The following MTARC1 variants were observed in gnomAD, a reference collection of about 807,000 sequenced individuals.
MTARC1 encodes mitochondrial amidoxime-reducing component 1.
In MTARC1, 24 loss-of-function variants were observed where a neutral mutation model predicts 33.6. The ratio of observed to expected loss-of-function variants is 0.72; its 90% CI spans 0.52 to 1.01. The LOEUF (loss-of-function observed/expected upper bound fraction) is 1.01, where lower values mean the gene tolerates loss of function less well. Among genes scored for constraint, MTARC1 ranks in the 50% least tolerant of loss-of-function variants. The pLI is 0.00. For synonymous variants in MTARC1, 187 were observed against 189.5 expected, an observed-to-expected ratio of 0.99 and a Z score of 0.11; for missense variants, 417 against 445.7, an observed-to-expected ratio of 0.94 and a Z score of 0.58.
chr1:220,794,538 C>CTT (rs59339230), intron 2 of MTARC1, among the ~76,000 whole-genome samples: 23,371 of 145,912 alleles, frequency 0.16, 2,160 homozygotes, highest in Non-Finnish European at 0.22. Context: ...ACGATAGGAT[C>CTT]TTTTTTTTTT....
Position 220,786,914 on chromosome 1 carries a change from T to G in MTARC1, c.-31T>G. The G allele has an allele frequency of 4.1e-6, 5 of 1,228,094 alleles. No individual in the cohort carries two copies. Among genetic ancestry groups the G allele is most frequent in the Non-Finnish European group, 4.1e-6 (4 of 986,840 alleles). The allele number at this position is 1,228,094 out of a possible 1,614,324, so 76.1% of individuals were successfully genotyped here. A position where few individuals can be genotyped will look rare whatever the true frequency, so the allele number is the denominator to read the frequency against. On this transcript the variant is annotated 5_prime_UTR_variant, in exon 1 of 7. Coordinates refer to ENST00000366910, the MANE Select transcript of MTARC1 (RefSeq NM_022746.4). ...CCCGGGCGACCAGCGCGCTCCGGCCTTGCCGCCGCCACCTCGCGGAGAAGC... is the reference window on the plus strand; with the variant it reads ...CCCGGGCGACCAGCGCGCTCCGGCCGTGCCGCCGCCACCTCGCGGAGAAGC...
chr1:220,803,429 A>T (rs1188719223), intron 4 of MTARC1, among the ~76,000 whole-genome samples: 1 of 152,154 alleles, frequency 6.6e-6, no homozygotes, highest in East Asian at 1.9e-4. Flanking sequence ...TCCAAACTGC[A>T]AACTGGTGTC....
At position 220,805,237 on chromosome 1, in the gene MTARC1, G is replaced by A; in HGVS notation, c.850G>A (p.Val284Ile). Residue 284 changes from valine (V) to isoleucine (I), a missense_variant, in exon 6 of 7, where the codon GTC becomes ATC. Transcript: ENST00000366910. Reference sequence around the variant, plus strand: ...AACCACAGTGGACCCAGACACCGGTGTCATGAGCAGGAAGGAACCGCTGGA... The same window carrying A: ...AACCACAGTGGACCCAGACACCGGTATCATGAGCAGGAAGGAACCGCTGGA... ...ILTTVDPDTGVMSRKEPLETL... is the reference protein window; with the variant it reads ...ILTTVDPDTGIMSRKEPLETL... 5.0e-6 allele frequency: 8 copies of A among 1,613,722 alleles called. No homozygotes were observed. Among genetic ancestry groups the A allele is most frequent in the Non-Finnish European group, 6.8e-6 (8 of 1,180,028 alleles).
intron 1 of MTARC1, 125 bp from the exon 2 acceptor site, chr1:220,791,366 A>T: frequency 9.7e-7 from 1 of 1,032,460 alleles, no homozygotes. Context: ...CACACACTCA[A>T]ACTCACACAC....
chr1:220,815,710 T>G lies in MTARC1; in HGVS notation c.*2292T>G, dbSNP rs1673266304. On this transcript the variant is annotated 3_prime_UTR_variant, in exon 7 of 7. Transcript: ENST00000366910. ...CCCATTTATTTTGGATACTGAGCAT[T>G]TGCACACTATTCCACTTGAAATATA... 1 of 152,250 alleles carries G rather than the reference T, an allele frequency of 6.6e-6. No individual in the cohort carries two copies. The highest frequency in any genetic ancestry group is 1.5e-5 in the Non-Finnish European group (1 of 68,050). 9.4% of individuals were successfully genotyped at this position (152,250 alleles called of 1,614,324 possible).
At chr1:220,795,427 C>T (rs778531557) in intron 2 of MTARC1, among the ~76,000 whole-genome samples, 8 of 152,164 alleles carry the variant, frequency 5.3e-5, no homozygotes, top group Non-Finnish European at 1.2e-4. Context: ...CATAACACCA[C>T]GATGATAGTA....
Position 220,805,983 on chromosome 1 carries a change from A to G in MTARC1, c.887+709A>G, listed in dbSNP as rs536522558. Among the ~76,000 whole-genome samples, 126 of 152,334 alleles carry G rather than the reference A, an allele frequency of 8.3e-4. 1 individual carries two copies. The highest frequency in any genetic ancestry group is 2.8e-3 in the African/African-American group (118 of 41,574). The stretch of plus-strand genomic sequence containing the variant: ...ATTTTTATTTGATTTTACTTTTTAA[A>G]AAACATATAAATGCACATGAGTAGA... On this transcript the variant is annotated intron_variant, in intron 6 of 6. Coordinates refer to ENST00000366910, the MANE Select transcript of MTARC1 (RefSeq NM_022746.4).
At chr1:220,789,460 A>C (rs1255996575) in intron 1 of MTARC1, among the ~76,000 whole-genome samples, 2 of 88,540 alleles carry the variant, frequency 2.3e-5, no homozygotes, top group East Asian at 2.1e-4. Flanking sequence ...AAAACAAAAA[A>C]AATCTCATAA....
intron 4 of MTARC1, chr1:220,798,938 T>C (rs1326546089): frequency 1.0e-6 from 1 of 985,298 alleles, no homozygotes; most frequent in Non-Finnish European, 1.2e-6. Context: ...GAAAGAGAAA[T>C]AATCTAAGAA....
chr1:220,798,739 G>C (rs1672697067), intron 4 of MTARC1: 1 of 784,034 alleles, frequency 1.3e-6, no homozygotes. Flanking sequence ...AGGAATTCAG[G>C]AGCTCTGGTT....
rs955490297 is a variant in MTARC1 at position 220,786,968 on chromosome 1, G to A, written c.24G>A (p.Ala8=). The A allele has an allele frequency of 2.4e-6, 3 of 1,250,870 alleles. No homozygotes were observed. Among genetic ancestry groups the A allele is most frequent in the Admixed American group, 4.2e-5 (1 of 23,538 alleles). The allele number at this position is 1,250,870 out of a possible 1,614,324, so 77.5% of individuals were successfully genotyped here. A position where few individuals can be genotyped will look rare whatever the true frequency, so the allele number is the denominator to read the frequency against. Residue 8 remains alanine (A), a synonymous_variant, in exon 1 of 7, where the codon GCG becomes GCA. Coordinates refer to ENST00000366910, the MANE Select transcript of MTARC1 (RefSeq NM_022746.4). ...CCATGGGCGCCGCCGGCTCCTCCGC[G>A]CTGGCGCGCTTTGTCCTCCTCGCGC... MGAAGSS[A]LARFVLLAQS...
intron 6 of MTARC1, among the ~76,000 whole-genome samples, chr1:220,809,816 G>C (rs895542206): frequency 6.6e-6 from 1 of 152,206 alleles, no homozygotes; most frequent in Non-Finnish European, 1.5e-5. Flanking sequence ...CCTGGCCATA[G>C]AGATAGGCAG....
intron 4 of MTARC1, among the ~76,000 whole-genome samples, chr1:220,803,165 A>G (rs1037618456): frequency 6.6e-6 from 1 of 152,196 alleles, no homozygotes; most frequent in African/African-American, 2.4e-5. Flanking sequence ...ATCATGGCAG[A>G]AGGTGAAGGA....
chr1:220,797,249 T>C (rs1310094722), intron 3 of MTARC1, among the ~76,000 whole-genome samples: 1 of 152,076 alleles, frequency 6.6e-6, no homozygotes, highest in Non-Finnish European at 1.5e-5. Flanking sequence ...AAAAGCAGGG[T>C]TTGTAGTACC....
At position 220,787,086 on chromosome 1, in the gene MTARC1, C is replaced by G; in HGVS notation, c.142C>G (p.Arg48Gly). 4 of 1,504,390 alleles carry G rather than the reference C, an allele frequency of 2.7e-6. No homozygotes were observed. Among genetic ancestry groups the G allele is most frequent in the Non-Finnish European group, 3.5e-6 (4 of 1,130,486 alleles). 93.2% of individuals were successfully genotyped at this position (1,504,390 alleles called of 1,614,324 possible). A position where few individuals can be genotyped will look rare whatever the true frequency, so the allele number is the denominator to read the frequency against. The stretch of plus-strand genomic sequence containing the variant: ...CTGGCGCCGCGCATGGCCCACGCGG[C>G]GCCGGCGGCTGCTGCAGCAGGTGGG... ...VAWRRAWPTRRRRLLQQVGTV... is the reference protein window; with the variant it reads ...VAWRRAWPTRGRRLLQQVGTV... Residue 48 changes from arginine (R) to glycine (G), a missense_variant, in exon 1 of 7, where the codon CGC becomes GGC. Physicochemically the swap from Arg to Gly is moderately radical, Grantham distance 125. Coordinates refer to ENST00000366910, the MANE Select transcript of MTARC1 (RefSeq NM_022746.4).
chr1:220,800,600 A>G (rs2642443), intron 4 of MTARC1, among the ~76,000 whole-genome samples: 4,755 of 136,630 alleles, frequency 0.035, 252 homozygotes, highest in African/African-American at 0.12. Flanking sequence ...TTTTTTTTTT[A>G]TTTAATCATC....
intron 4 of MTARC1, among the ~76,000 whole-genome samples, chr1:220,799,494 G>T (rs1672719241): frequency 1.3e-5 from 2 of 152,192 alleles, no homozygotes; most frequent in African/African-American, 4.8e-5. Context: ...TCCTGAGAAC[G>T]TTCCTTCTCA....
In MTARC1 at chr1:220,811,109, T is replaced by C. The variant is rs565699074; in HGVS notation, c.888-2183T>C. Among the ~76,000 whole-genome samples, 392 of 152,300 alleles carry C rather than the reference T, an allele frequency of 2.6e-3. 2 individuals are homozygous for C. Among genetic ancestry groups the C allele is most frequent in the African/African-American group, 9.2e-3 (382 of 41,572 alleles). On this transcript the variant is annotated intron_variant, in intron 6 of 6. Transcript: ENST00000366910. ...AGCTTGGCAGCAACGGAAACACCCA[T>C]ACAAGCAGCTGATGTGTCCCCTGTT...
chr1:220,811,907 C>G (rs1255686375), intron 6 of MTARC1, among the ~76,000 whole-genome samples: 1 of 152,190 alleles, frequency 6.6e-6, no homozygotes, highest in Non-Finnish European at 1.5e-5. Context: ...TGGGCGTGAG[C>G]AGTACAAGGG....
Sources: allele counts gnomAD v4.1 joint callset (sites outside exome capture counted in the v4.1 genomes callset), GRCh38; gene constraint gnomAD v4.1.1; transcripts MANE v1.5; gene names NCBI Gene and HGNC (gene_info 2026-07-23, HGNC 2026-07-21).